Variants in STK32A observed in about 807,000 individuals in gnomAD.
STK32A encodes the protein serine/threonine-protein kinase 32A.
Under a neutral mutation model 53.2 loss-of-function variants are expected in STK32A, and 41 were observed. The observed-to-expected ratio is 0.77, with a 90% CI of 0.60 to 1.00. The LOEUF is 1.00. Ranked by LOEUF, STK32A falls within the 50% of genes least tolerant of loss-of-function variation. The probability of loss-of-function intolerance (pLI) is 0.00; values close to 1 mark genes in which losing one functional copy is unlikely to be tolerated. For missense variants in STK32A, 458 were observed against 485.8 expected (o/e 0.94, Z 0.54); for synonymous variants, 166 against 162.8 (o/e 1.02, Z -0.15).
intron 4 of STK32A, among the ~76,000 whole-genome samples, chr5:147,296,792 T>C (rs11956027): frequency 0.22 from 33,114 of 151,930 alleles, 4,077 homozygotes; most frequent in African/African-American, 0.31. Context: ...TTGGTGGAGG[T>C]TGGGGGTGAT....
intron 5 of STK32A, among the ~76,000 whole-genome samples, chr5:147,332,080 A>G (rs78224122): frequency 6.6e-6 from 1 of 152,252 alleles, no homozygotes; most frequent in African/African-American, 2.4e-5. Context: ...TTTGCTGCTA[A>G]TTTTTTAATC....
At chr5:147,314,910 A>AT (rs918810045) in intron 4 of STK32A, among the ~76,000 whole-genome samples, 9 of 149,198 alleles carry the variant, frequency 6.0e-5, no homozygotes, top group Admixed American at 2.0e-4. Context: ...GCACCAGACA[A>AT]TTTTTTTTTT....
At chr5:147,272,530 G>T (rs907502019) in intron 2 of STK32A, among the ~76,000 whole-genome samples, 1 of 152,230 alleles carries the variant, frequency 6.6e-6, no homozygotes, top group South Asian at 2.1e-4. Context: ...TACAGAAAGG[G>T]TTTAACAATG....
At chr5:147,284,321 T>C (rs116143441) in intron 4 of STK32A, among the ~76,000 whole-genome samples, 13,897 of 152,036 alleles carry the variant, frequency 0.091, 673 homozygotes, top group Middle Eastern at 0.14. Context: ...AACATAAAAC[T>C]GAACACATTC....
chr5:147,400,319 T>C, the STK32A span, among the ~76,000 whole-genome samples: 2 of 152,186 alleles, frequency 1.3e-5, no homozygotes, highest in South Asian at 2.1e-4. Flanking sequence ...CACAGACTCA[T>C]TGCTTATCAT....
At chr5:147,260,168 TCTCTCTCTCTCCTCTCTCTCTC>T (rs756685009) in intron 2 of STK32A, among the ~76,000 whole-genome samples, 7,843 of 42,752 alleles carry the variant, frequency 0.18, 727 homozygotes, top group Middle Eastern at 0.28. Flanking sequence ...TCTCTGTCTC[TCTCTCTCTCTCCTCTCTCTCTC>T]CTCTCTCTCT....
chr5:147,300,959 A>T (rs1203520427), intron 4 of STK32A, among the ~76,000 whole-genome samples: 1 of 152,160 alleles, frequency 6.6e-6, no homozygotes, highest in African/African-American at 2.4e-5. Context: ...CCAAGGGAAA[A>T]TTTCCCCTTC....
At chr5:147,316,859 GAAAAAAAAAAAAAAA>G (rs35058586) in intron 4 of STK32A, among the ~76,000 whole-genome samples, 146 of 61,354 alleles carry the variant, frequency 2.4e-3, no homozygotes, top group African/African-American at 8.8e-3. Flanking sequence ...TGTTTCTGGC[GAAAAAAAAAAAAAAA>G]AAAAAAAAGG....
chr5:147,267,049 C>G (rs10060001), intron 2 of STK32A, among the ~76,000 whole-genome samples: 42,490 of 149,438 alleles, frequency 0.28, 6,250 homozygotes, highest in Admixed American at 0.35. Context: ...AAAAAACCAA[C>G]AGGCAACATT....
chr5:147,349,597 C>A (rs931664929), intron 6 of STK32A, among the ~76,000 whole-genome samples: 44 of 152,176 alleles, frequency 2.9e-4, no homozygotes, highest in African/African-American at 9.9e-4. Flanking sequence ...GTGTTCCCTG[C>A]CACGTATAAG....
chr5:147,304,393 T>C (rs983829569), intron 4 of STK32A, among the ~76,000 whole-genome samples: 5 of 152,234 alleles, frequency 3.3e-5, no homozygotes, highest in African/African-American at 1.2e-4. Context: ...AAAACTCTTT[T>C]AGCTCTGTTA....
At chr5:147,256,850 CTTG>C (rs1754259570) in intron 2 of STK32A, among the ~76,000 whole-genome samples, 1 of 151,924 alleles carries the variant, frequency 6.6e-6, no homozygotes. Context: ...CTATCTTGGT[CTTG>C]TTGTTAGATG....
chr5:147,242,428 A>G (rs549140528), intron 2 of STK32A, among the ~76,000 whole-genome samples: 2 of 152,266 alleles, frequency 1.3e-5, no homozygotes, highest in South Asian at 4.1e-4. Flanking sequence ...TAATACATAA[A>G]CCAGATAATT....
At chr5:147,348,411 C>G (rs1351193359) in intron 6 of STK32A, among the ~76,000 whole-genome samples, 1 of 152,122 alleles carries the variant, frequency 6.6e-6, no homozygotes, top group Non-Finnish European at 1.5e-5. Flanking sequence ...TAAATATTGG[C>G]GCCCAACCCA....
At chr5:147,290,935 C>T (rs1043873932) in intron 4 of STK32A, among the ~76,000 whole-genome samples, 3 of 151,980 alleles carry the variant, frequency 2.0e-5, no homozygotes, top group African/African-American at 7.3e-5. Flanking sequence ...AAGTTATTTA[C>T]CAAAAATTTA....
Position 147,373,280 on chromosome 5 carries a change from G to C in STK32A, c.889G>C (p.Gly297Arg), listed in dbSNP as rs781022807. ...DAVFQKRLIP[G>R]FIPNKGRLNC... ...AGTTTTTCAGAAGAGGCTCATTCCA[G>C]GTTTCATTCCTAATGTGAGTCAATC... is the stretch of plus-strand genomic sequence containing the variant. The change falls in exon 10 of 13, where the codon GGT becomes CGT. Residue 297 changes from glycine to arginine, a missense_variant. Coordinates refer to ENST00000397936, the MANE Select transcript of STK32A (RefSeq NM_001112724.2). The C allele has an allele frequency of 6.2e-7, 1 of 1,613,228 alleles. No individual in the cohort carries two copies. Among genetic ancestry groups the C allele is most frequent in the South Asian group, 1.1e-5 (1 of 91,060 alleles).
the STK32A span, among the ~76,000 whole-genome samples, chr5:147,397,268 A>G: frequency 2.6e-5 from 4 of 151,934 alleles, no homozygotes; most frequent in African/African-American, 7.2e-5. Context: ...CTAAAATGTT[A>G]TAAGTGTTTG....
chr5:147,350,322 T>C lies in STK32A; in HGVS notation c.473-743T>C, dbSNP rs144614928. Among the ~76,000 whole-genome samples the C allele has an allele frequency of 2.3e-3, 349 of 151,984 alleles. 2 individuals carry two copies. Among genetic ancestry groups the C allele is most frequent in the Admixed American group, 4.4e-3 (67 of 15,238 alleles). On this transcript the variant is annotated intron_variant, in intron 6 of 12. Transcript: ENST00000397936. Reference sequence around the variant, plus strand: ...GCTAGGAAATAAATATTTGTATCCATATTCATGCCAGTTTTGTAGTAATAA... The same window carrying C: ...GCTAGGAAATAAATATTTGTATCCACATTCATGCCAGTTTTGTAGTAATAA...
At chr5:147,282,704 A>C (rs1489217557) in intron 4 of STK32A, among the ~76,000 whole-genome samples, 1 of 152,336 alleles carries the variant, frequency 6.6e-6, no homozygotes, top group East Asian at 1.9e-4. Context: ...AAAGAGGGAC[A>C]TTATATAATG....
Sources: allele counts gnomAD v4.1 joint callset (sites outside exome capture counted in the v4.1 genomes callset), GRCh38; gene constraint gnomAD v4.1.1; transcripts MANE v1.5; gene names NCBI Gene and HGNC (gene_info 2026-07-23, HGNC 2026-07-21).